AIF1L: variants seen among roughly 807,000 people sequenced by gnomAD.
AIF1L encodes the protein allograft inflammatory factor 1-like.
Under a neutral mutation model 20.7 loss-of-function variants are expected in AIF1L, and 12 were observed. That is an observed-to-expected ratio of 0.58 (90% CI 0.37 to 0.94). The LOEUF is 0.94. Ranked by LOEUF, AIF1L falls within the 40% of genes least tolerant of loss-of-function variation. The pLI, the probability that AIF1L is intolerant of heterozygous loss-of-function variation, is 0.01. For synonymous variants in AIF1L, 76 were observed against 65.1 expected, an observed-to-expected ratio of 1.17 and a Z score of -0.81; for missense variants, 173 against 185.3, an observed-to-expected ratio of 0.93 and a Z score of 0.39.
chr9:131,117,070 G>T (rs551216461), intron 4 of AIF1L, among the ~76,000 whole-genome samples: 4 of 151,802 alleles, frequency 2.6e-5, no homozygotes, highest in East Asian at 3.9e-4. Context: ...GGAGCTGGGC[G>T]GTCAGAGACA....
chr9:131,114,055 G>A (rs182684410), intron 3 of AIF1L: 89 of 175,448 alleles, frequency 5.1e-4, no homozygotes, highest in Non-Finnish European at 8.2e-4. Context: ...TGTACCCCGG[G>A]AAACTGTATG....
intron 2 of AIF1L, among the ~76,000 whole-genome samples, chr9:131,097,856 A>C (rs1564162488): frequency 6.6e-6 from 1 of 152,264 alleles, no homozygotes; most frequent in Non-Finnish European, 1.5e-5. Flanking sequence ...AGCACCCAGC[A>C]TTCAGGAAGC....
chr9:131,110,324 G>A (rs1830846729), intron 2 of AIF1L, among the ~76,000 whole-genome samples: 1 of 152,030 alleles, frequency 6.6e-6, no homozygotes. Context: ...TCCCCACCCT[G>A]CCCATCTGGT....
At chr9:131,109,498 G>A (rs928196219) in intron 2 of AIF1L, among the ~76,000 whole-genome samples, 1 of 152,172 alleles carries the variant, frequency 6.6e-6, no homozygotes, top group African/African-American at 2.4e-5. Flanking sequence ...GGCAGAGGTT[G>A]CAGTGAGCCA....
At chr9:131,103,481 G>A (rs1264673570) in intron 2 of AIF1L, among the ~76,000 whole-genome samples, 1 of 152,176 alleles carries the variant, frequency 6.6e-6, no homozygotes, top group Non-Finnish European at 1.5e-5. Context: ...CTTAGCAAGT[G>A]TACTAGGAGC....
At chr9:131,096,925 C>T in intron 2 of AIF1L, 62 bp downstream of exon 2, 1 of 1,467,790 alleles carries the variant, frequency 6.8e-7, no homozygotes, top group Non-Finnish European at 9.0e-7. Flanking sequence ...GGTGCCACCT[C>T]TCCTTCCGCG....
rs1331765955 is a variant in AIF1L at position 131,122,139 on chromosome 9, TGA to T, written c.*1821_*1822del. 4.6e-5 allele frequency: 7 copies of T among 151,856 alleles called. 1 individual carries two copies. Among genetic ancestry groups the T allele is most frequent in the Non-Finnish European group, 1.0e-4 (7 of 67,980 alleles). 9.4% of individuals were successfully genotyped at this position (151,856 alleles called of 1,614,324 possible). A position where few individuals can be genotyped will look rare whatever the true frequency, so the allele number is the denominator to read the frequency against. On this transcript the variant is annotated 3_prime_UTR_variant, in exon 6 of 6. Coordinates refer to ENST00000247291, the MANE Select transcript of AIF1L (RefSeq NM_031426.4). Reference sequence around the variant, plus strand: ...GGGCCTAGATGGGCCCAAGACTGGGTGAGAGTCTTGGCAGAGCCTTTGCAACA... The same window carrying T: ...GGGCCTAGATGGGCCCAAGACTGGGTGAGTCTTGGCAGAGCCTTTGCAACA...
At chr9:131,103,606 A>G (rs981147130) in intron 2 of AIF1L, among the ~76,000 whole-genome samples, 4 of 152,354 alleles carry the variant, frequency 2.6e-5, no homozygotes, top group African/African-American at 9.6e-5. Flanking sequence ...AGATCGTGCC[A>G]CTGCACTTTA....
chr9:131,098,523 C>A (rs943534423), intron 2 of AIF1L, among the ~76,000 whole-genome samples: 1 of 151,596 alleles, frequency 6.6e-6, no homozygotes, highest in Non-Finnish European at 1.5e-5. Flanking sequence ...CCACAGCCAG[C>A]GGGACCCTGA....
Position 131,096,678 on chromosome 9 carries a change from CG to C in AIF1L, c.31+19del, listed in dbSNP as rs1564162079. ...GTTCCAAGGTAGGCGCCGCCGTCCC[CG>C]AGCAGCCACCTGTGCGCGCCGGGCG... On this transcript the variant is annotated intron_variant, in intron 1 of 5. Coordinates refer to ENST00000247291, the MANE Select transcript of AIF1L (RefSeq NM_031426.4). 1.4e-6 allele frequency: 2 copies of C among 1,472,824 alleles called. No individual in the cohort carries two copies. Among genetic ancestry groups the C allele is most frequent in the African/African-American group, 3.0e-5 (2 of 67,694 alleles). The allele number at this position is 1,472,824 out of a possible 1,614,324, so 91.2% of individuals were successfully genotyped here. A position where few individuals can be genotyped will look rare whatever the true frequency, so the allele number is the denominator to read the frequency against.
intron 5 of AIF1L, among the ~76,000 whole-genome samples, chr9:131,119,047 G>A (rs776956979): frequency 3.9e-5 from 6 of 152,210 alleles, no homozygotes; most frequent in Non-Finnish European, 5.9e-5. Flanking sequence ...CATGTCTTCC[G>A]TGATGTCCTG....
Position 131,102,613 on chromosome 9 carries a change from A to T in AIF1L, c.93+5750A>T, listed in dbSNP as rs565860510. 2.4e-4 allele frequency among the ~76,000 whole-genome samples: 36 copies of T among 152,342 alleles called. 1 individual carries two copies. Among genetic ancestry groups the T allele is most frequent in the Admixed American group, 1.0e-3 (16 of 15,300 alleles). On this transcript the variant is annotated intron_variant, in intron 2 of 5. Coordinates refer to ENST00000247291, the MANE Select transcript of AIF1L (RefSeq NM_031426.4). ...TTCTGCAGGGTGTGCTTTATTGCAT[A>T]GCTGCTTGGGAGTTTTTCTTTAGCT...
At chr9:131,098,154 T>C (rs570344168) in intron 2 of AIF1L, 1 of 152,452 alleles carries the variant, frequency 6.6e-6, no homozygotes, top group South Asian at 2.1e-4. Flanking sequence ...TTTCTTGGAC[T>C]GCTTGGATGT....
intron 2 of AIF1L, among the ~76,000 whole-genome samples, chr9:131,097,092 A>G (rs1020373518): frequency 5.3e-4 from 80 of 151,492 alleles, no homozygotes; most frequent in African/African-American, 1.8e-3. Flanking sequence ...TACTCTTGCA[A>G]CTGGGGACTG....
chr9:131,106,293 C>T (rs1389123098), intron 2 of AIF1L: 1 of 1,400,674 alleles, frequency 7.1e-7, no homozygotes, highest in African/African-American at 1.4e-5. Flanking sequence ...AGTCTCAACT[C>T]CTCCACTCAT....
rs1203119721 is a variant in AIF1L, at chr9:131,122,210, C to T, written c.*1888C>T. ...GGGAGGTCTTGGTGGTTGGAGCCAA[C>T]GTGGGTTCCCTGCGGCTCCTTAGTC... On this transcript the variant is annotated 3_prime_UTR_variant, in exon 6 of 6. Transcript: ENST00000247291. The T allele has an allele frequency of 6.6e-6, 1 of 152,418 alleles. No homozygotes were observed. The highest frequency in any genetic ancestry group is 2.4e-5 in the African/African-American group (1 of 41,354). The allele number at this position is 152,418 out of a possible 1,614,324, so 9.4% of individuals were successfully genotyped here.
intron 2 of AIF1L, among the ~76,000 whole-genome samples, chr9:131,097,829 C>T (rs985420269): frequency 3.3e-5 from 5 of 152,224 alleles, no homozygotes; most frequent in African/African-American, 2.4e-5. Flanking sequence ...AGGGAAGGCC[C>T]GTGGCCTGCA....
chr9:131,102,293 G>A (rs1417330053), intron 2 of AIF1L, among the ~76,000 whole-genome samples: 3 of 152,122 alleles, frequency 2.0e-5, no homozygotes, highest in African/African-American at 7.2e-5. Flanking sequence ...CTCTGCCCAG[G>A]GGTGTATATA....
At chr9:131,110,219 T>C (rs1294340120) in intron 2 of AIF1L, among the ~76,000 whole-genome samples, 4 of 152,028 alleles carry the variant, frequency 2.6e-5, no homozygotes, top group African/African-American at 9.7e-5. Flanking sequence ...TTCAAAATAA[T>C]AATAACAATA....
Sources: gnomAD v4.1 joint callset for allele counts (sites outside exome capture counted in the v4.1 genomes callset) on GRCh38, gnomAD v4.1.1 for gene constraint, MANE v1.5 for transcripts, NCBI Gene and HGNC (gene_info 2026-07-23, HGNC 2026-07-21) for gene names.